Variants in PSMD11 observed in about 807,000 individuals in gnomAD.
PSMD11 encodes the protein proteasome 26S subunit, non-ATPase 11, also known as 26S proteasome non-ATPase regulatory subunit 11.
Under a neutral mutation model 62.3 loss-of-function variants are expected in PSMD11, and 5 were observed. The ratio of observed to expected loss-of-function variants is 0.08; its 90% CI spans 0.04 to 0.17. The LOEUF is 0.17. Among genes scored for constraint, PSMD11 ranks in the 10% least tolerant of loss-of-function variants. The probability of loss-of-function intolerance (pLI) is 1.00; values close to 1 mark genes in which losing one functional copy is unlikely to be tolerated. For synonymous variants in PSMD11, 191 were observed against 191.8 expected (o/e 1.00, Z 0.03); for missense variants, 310 against 512.9 (o/e 0.60, Z 3.82).
intron 8 of PSMD11, among the ~76,000 whole-genome samples, chr17:32,476,319 G>A (rs942703609): frequency 3.3e-5 from 5 of 152,154 alleles, no homozygotes; most frequent in African/African-American, 1.2e-4. Context: ...TAGAGTTGAG[G>A]AGACAGGCTC....
intron 12 of PSMD11, 41 bp from the exon 13 acceptor site, chr17:32,480,448 A>G: frequency 6.2e-7 from 1 of 1,612,956 alleles, no homozygotes; most frequent in Non-Finnish European, 8.5e-7. Context: ...TTTTGTGTCT[A>G]ACCTCATCTT....
rs534164371 is a variant in PSMD11 at position 32,481,363 on chromosome 17, A to G, written c.*611A>G. ...CACCACCACCACCACTGCAGCAACA[A>G]CAGCAGCAGCAGCAGCAGCGCCTGC... On this transcript the variant is annotated 3_prime_UTR_variant, in exon 14 of 14. Coordinates refer to ENST00000261712, the MANE Select transcript of PSMD11 (RefSeq NM_002815.4). The G allele has an allele frequency of 2.9e-4, 47 of 161,986 alleles. No homozygotes were observed. Among genetic ancestry groups the G allele is most frequent in the Middle Eastern group, 1.1e-3 (1 of 886 alleles). The allele number at this position is 161,986 out of a possible 1,614,324, so 10.0% of individuals were successfully genotyped here.
Position 32,450,514 on chromosome 17 carries a change from G to C in PSMD11, c.193+3468G>C, listed in dbSNP as rs540116977. Among the ~76,000 whole-genome samples, 725 of 148,948 alleles carry C rather than the reference G, an allele frequency of 4.9e-3. 5 individuals carry two copies. The highest frequency in any genetic ancestry group is 0.016 in the African/African-American group (641 of 40,322). ...ACTCCTGACCTCAGGTGATCCACCCGCCTTGGCCTCCCAAAGTGCTGGGAT... is the reference window on the plus strand; with the variant it reads ...ACTCCTGACCTCAGGTGATCCACCCCCCTTGGCCTCCCAAAGTGCTGGGAT... On this transcript the variant is annotated intron_variant, in intron 2 of 13. Transcript: ENST00000261712.
Position 32,483,233 on chromosome 17 carries a change from GGA to G in PSMD11, c.*2483_*2484del, listed in dbSNP as rs1179773242. ...GGCTTAGTATGATAACAAAAGAAAA[GGA>G]GTGTAAAATATGTCAATAACTTTTT... On this transcript the variant is annotated 3_prime_UTR_variant, in exon 14 of 14. Coordinates refer to ENST00000261712, the MANE Select transcript of PSMD11 (RefSeq NM_002815.4). The G allele has an allele frequency of 1.1e-4, 16 of 152,330 alleles. No individual in the cohort carries two copies. Among genetic ancestry groups the G allele is most frequent in the African/African-American group, 3.8e-4 (16 of 41,578 alleles). The allele number at this position is 152,330 out of a possible 1,614,324, so 9.4% of individuals were successfully genotyped here.
chr17:32,466,821 AT>A (rs1318438202), intron 5 of PSMD11, among the ~76,000 whole-genome samples: 5 of 152,054 alleles, frequency 3.3e-5, no homozygotes, highest in Non-Finnish European at 5.9e-5. Context: ...TTATTTTTTA[AT>A]TTTAGCCATC....
At chr17:32,462,242 C>T (rs190537954) in intron 3 of PSMD11, among the ~76,000 whole-genome samples, 1 of 152,188 alleles carries the variant, frequency 6.6e-6, no homozygotes, top group East Asian at 1.9e-4. Flanking sequence ...GAAAAAACTC[C>T]CTGGGTAAAA....
chr17:32,458,485 T>A (rs1907714390), intron 3 of PSMD11, among the ~76,000 whole-genome samples: 1 of 152,250 alleles, frequency 6.6e-6, no homozygotes, highest in African/African-American at 2.4e-5. Flanking sequence ...CTTTCCTTCC[T>A]GACTTTAATG....
Position 32,479,879 on chromosome 17 carries a change from T to C in PSMD11, c.1067T>C (p.Leu356Pro), listed in dbSNP as rs1439543372. ...QIEHISSLIK[L>P]SKADVERKLS... is the part of the protein sequence containing the mutation. ...GAACACATATCTAGTCTCATCAAAC[T>C]CTCCAAGGTAAGGAGTCTTAAGGCC... The change falls in exon 11 of 14, where the codon CTC (leucine) becomes CCC (proline). Residue 356 changes from leucine to proline, a missense_variant. Leu to Pro is a moderately conservative substitution (Grantham distance 98). This residue lies in a region of PSMD11 where 135 missense variants were observed against 195.4 expected (regional missense o/e 0.69). Transcript: ENST00000261712. The C allele has an allele frequency of 6.2e-7, 1 of 1,613,576 alleles. No individual in the cohort carries two copies. Among genetic ancestry groups the C allele is most frequent in the Admixed American group, 1.7e-5 (1 of 59,992 alleles).
At chr17:32,447,379 A>G (rs1907361839) in intron 2 of PSMD11, 2 of 172,762 alleles carry the variant, frequency 1.2e-5, no homozygotes, top group Non-Finnish European at 2.4e-5. Context: ...TATTTAAGAT[A>G]GATAACAACT....
chr17:32,480,384 C>T (rs1597845582), intron 12 of PSMD11, 105 bp from the exon 13 acceptor site: 2 of 1,492,802 alleles, frequency 1.3e-6, no homozygotes, highest in East Asian at 4.5e-5. Context: ...ATTCTATTTC[C>T]CTTCTTTTCT....
intron 12 of PSMD11, 66 bp from the exon 13 acceptor site, chr17:32,480,423 C>T (rs1005095063): frequency 3.2e-6 from 5 of 1,586,098 alleles, no homozygotes; most frequent in African/African-American, 2.7e-5. Context: ...AGGGAGTGGG[C>T]TGCTTCACAA....
intron 2 of PSMD11, among the ~76,000 whole-genome samples, chr17:32,447,975 G>C (rs1907380082): frequency 6.6e-6 from 1 of 151,480 alleles, no homozygotes; most frequent in South Asian, 2.1e-4. Flanking sequence ...CCGCCTCCTG[G>C]GTTCAAGCGA....
rs887995085 is a variant in PSMD11, at chr17:32,444,601, C to T, written c.78C>T (p.Ile26=). 1.2e-6 allele frequency: 2 copies of T among 1,611,684 alleles called. No homozygotes were observed. Among genetic ancestry groups the T allele is most frequent in the Non-Finnish European group, 1.7e-6 (2 of 1,179,352 alleles). ...CCGACCGGGAGGCCTCCATCGACAT[C>T]CTCCACTCCATCGGTAAAGGTCGCC... ...LSTDREASID[I]LHSIVKRDIQ... The change falls in exon 1 of 14, where the codon ATC becomes ATT. Residue 26 remains isoleucine (I), a synonymous_variant. Coordinates refer to ENST00000261712, the MANE Select transcript of PSMD11 (RefSeq NM_002815.4).
chr17:32,473,808 C>G lies in PSMD11; in HGVS notation c.651C>G (p.Ile217Met). The change falls in exon 7 of 14, where the codon ATC becomes ATG. Residue 217 changes from isoleucine (I) to methionine (M), a missense_variant. Transcript: ENST00000261712. ...TTTCTTTTCAATGCCCAGGTATTAT[C>G]CATGCAGCAGAAGAGAAGGACTGGA... ...QATLDMQSGI[I>M]HAAEEKDWKT... is the part of the protein sequence containing the mutation. The G allele has an allele frequency of 6.2e-7, 1 of 1,613,452 alleles. No individual in the cohort carries two copies. The highest frequency in any genetic ancestry group is 8.5e-7 in the Non-Finnish European group (1 of 1,179,464).
intron 3 of PSMD11, among the ~76,000 whole-genome samples, chr17:32,456,125 CAG>C (rs1475531468): frequency 8.9e-6 from 1 of 112,654 alleles, no homozygotes; most frequent in Non-Finnish European, 1.7e-5. Flanking sequence ...GCCTGGGTGA[CAG>C]AGCGAGACTC....
chr17:32,481,062 C>T lies in PSMD11; in HGVS notation c.*310C>T, dbSNP rs187088367. The stretch of plus-strand genomic sequence containing the variant: ...CTCTCTGCCTCCTGGGAGAGGGCCG[C>T]AAAGCCAGGCACCCCGCCAACCACT... On this transcript the variant is annotated 3_prime_UTR_variant, in exon 14 of 14. Transcript: ENST00000261712. 1.7e-4 allele frequency: 26 copies of T among 155,192 alleles called. No individual in the cohort carries two copies. In the East Asian group the frequency reaches 4.8e-3, roughly 28 times the overall value. 9.6% of individuals were successfully genotyped at this position (155,192 alleles called of 1,614,324 possible). A position where few individuals can be genotyped will look rare whatever the true frequency, so the allele number is the denominator to read the frequency against.
At chr17:32,479,461 C>T in intron 10 of PSMD11, 85 bp downstream of exon 10, 1 of 1,546,644 alleles carries the variant, frequency 6.5e-7, no homozygotes, top group Non-Finnish European at 8.8e-7. Context: ...AATGGGAACT[C>T]ACTTCTAGGG....
intron 3 of PSMD11, among the ~76,000 whole-genome samples, chr17:32,456,538 AT>A (rs1369355731): frequency 1.3e-5 from 2 of 149,148 alleles, no homozygotes; most frequent in Non-Finnish European, 3.0e-5. Flanking sequence ...ATGCCTGGCT[AT>A]TTTTTTTTGA....
At chr17:32,474,711 C>T (rs1908267289) in intron 7 of PSMD11, 53 bp from the exon 8 acceptor site, 1 of 1,572,310 alleles carries the variant, frequency 6.4e-7, no homozygotes, top group Non-Finnish European at 8.8e-7. Flanking sequence ...CCCAAACCTT[C>T]CTTTAGAAGC....
Sources: gnomAD v4.1 joint callset for allele counts (sites outside exome capture counted in the v4.1 genomes callset) on GRCh38, gnomAD v4.1.1 for gene constraint, gnomAD v4.1.1 regional missense constraint, MANE v1.5 for transcripts, NCBI Gene and HGNC (gene_info 2026-07-23, HGNC 2026-07-21) for gene names.